ABCB1: variants seen among roughly 807,000 people sequenced by gnomAD.
ABCB1 encodes ATP binding cassette subfamily B member 1.
Under a neutral mutation model 142.0 loss-of-function variants are expected in ABCB1, and 69 were observed. The observed-to-expected ratio is 0.49, with a 90% CI of 0.40 to 0.59. The LOEUF (loss-of-function observed/expected upper bound fraction) is 0.59, where lower values mean the gene tolerates loss of function less well. Ranked by LOEUF, ABCB1 falls within the 20% of genes least tolerant of loss-of-function variation. ABCB1 has a pLI of 0.00. For synonymous variants in ABCB1, 532 were observed against 539.2 expected, an observed-to-expected ratio of 0.99 and a Z score of 0.18; for missense variants, 1,326 against 1,554.7, an observed-to-expected ratio of 0.85 and a Z score of 2.47.
intron 1 of ABCB1, chr7:87,694,058 C>G: frequency 1.9e-6 from 3 of 1,551,908 alleles, no homozygotes. Flanking sequence ...TTTTTTAGTA[C>G]ATTGCATGGG....
intron 1 of ABCB1, among the ~76,000 whole-genome samples, chr7:87,611,781 A>G (rs1819861491): frequency 6.6e-6 from 1 of 152,182 alleles, no homozygotes; most frequent in African/African-American, 2.4e-5. Flanking sequence ...CAGGGTATGA[A>G]GTTTCTCAAA....
At chr7:87,602,043 G>C (rs973090337), upstream of ABCB1, among the ~76,000 whole-genome samples, 1 of 152,014 alleles carries the variant, frequency 6.6e-6, no homozygotes, top group East Asian at 1.9e-4. Context: ...GCCCAGGCTG[G>C]AGTGCAGTGG....
chr7:87,674,955 T>A (rs1189383171), intron 1 of ABCB1, among the ~76,000 whole-genome samples: 4 of 152,188 alleles, frequency 2.6e-5, no homozygotes, highest in South Asian at 4.1e-4. Flanking sequence ...GCTCTTCCTG[T>A]GCCAAGCCCT....
At chr7:87,631,015 A>G (rs1437095314) in intron 1 of ABCB1, among the ~76,000 whole-genome samples, 1 of 152,220 alleles carries the variant, frequency 6.6e-6, no homozygotes, top group African/African-American at 2.4e-5. Flanking sequence ...TGTGAAATGA[A>G]TATGTGCTAA....
chr7:87,671,236 T>G (rs888684997), intron 1 of ABCB1, among the ~76,000 whole-genome samples: 1 of 151,972 alleles, frequency 6.6e-6, no homozygotes, highest in African/African-American at 2.4e-5. Context: ...TTACAACTGG[T>G]TGGAGGTGTG....
intron 1 of ABCB1, among the ~76,000 whole-genome samples, chr7:87,652,170 C>G (rs916789309): frequency 3.9e-5 from 6 of 152,018 alleles, no homozygotes; most frequent in Non-Finnish European, 8.8e-5. Flanking sequence ...TCTGATGTAC[C>G]TTGATGTTCA....
chr7:87,546,119 A>G, intron 14 of ABCB1, 95 bp from the exon 15 acceptor site: 2 of 1,259,652 alleles, frequency 1.6e-6, no homozygotes, highest in Non-Finnish European at 2.3e-6. Context: ...TGCTGTGGGC[A>G]TTGTAAAACC....
At chr7:87,621,147 G>A (rs1410630426) in intron 1 of ABCB1, among the ~76,000 whole-genome samples, 1 of 152,116 alleles carries the variant, frequency 6.6e-6, no homozygotes, top group Non-Finnish European at 1.5e-5. Flanking sequence ...TGAGAGAGAT[G>A]TGTCAAAATG....
Position 87,521,920 on chromosome 7 carries a change from G to A in ABCB1, c.2686-1044C>T, listed in dbSNP as rs552671982. 1.0e-5 allele frequency: 8 copies of A among 777,722 alleles called. 1 individual carries two copies. The highest frequency in any genetic ancestry group is 1.0e-4 in the African/African-American group (6 of 59,390). 48.2% of individuals were successfully genotyped at this position (777,722 alleles called of 1,614,324 possible). ...AAGGGGCTTTGCTTTAGTAACTTTT[G>A]ACGACCATGACTCCATGGGTAAGAC... is the stretch of plus-strand genomic sequence containing the variant. On this transcript the variant is annotated intron_variant, in intron 21 of 27. Transcript: ENST00000622132.
chr7:87,690,461 T>C (rs1827905222), intron 1 of ABCB1, among the ~76,000 whole-genome samples: 1 of 152,168 alleles, frequency 6.6e-6, no homozygotes, highest in South Asian at 2.1e-4. Flanking sequence ...AAATACTTTG[T>C]TTCTAAGATG....
chr7:87,666,036 T>C (rs1314515812), intron 1 of ABCB1, among the ~76,000 whole-genome samples: 1 of 152,180 alleles, frequency 6.6e-6, no homozygotes, highest in Admixed American at 6.5e-5. Context: ...GTAGTTCTTT[T>C]AGCTCTTTGA....
chr7:87,570,278 A>C, intron 4 of ABCB1, 55 bp from the exon 5 acceptor site: 1 of 1,487,250 alleles, frequency 6.7e-7, no homozygotes, highest in Non-Finnish European at 9.4e-7. Context: ...TCCATTAAAA[A>C]TAAACATGTA....
At position 87,584,641 on chromosome 7, in the gene ABCB1, A is replaced by C. The variant is rs193139725; in HGVS notation, c.286+871T>G. On this transcript the variant is annotated intron_variant, in intron 4 of 27. Coordinates refer to ENST00000622132, the MANE Select transcript of ABCB1 (RefSeq NM_001348946.2). ...CCACTTTCCTTGAGAGCTGTGTTAC[A>C]TCTGTTTTCTCTGTCTCTATCAGCC... 3.4e-4 allele frequency among the ~76,000 whole-genome samples: 52 copies of C among 152,268 alleles called. No homozygotes were observed. In the East Asian group the frequency reaches 8.5e-3, roughly 25 times the overall value.
In ABCB1 at chr7:87,555,029, A is replaced by G. The variant is rs866349163; in HGVS notation, c.828-1097T>C. On this transcript the variant is annotated intron_variant, in intron 8 of 27. Transcript: ENST00000622132. ...AACTGATAATTCAAATATTTTTTAA[A>G]CCCTCAGAGGGTGGTCAATTTTTGA... is the stretch of plus-strand genomic sequence containing the variant. Among the ~76,000 whole-genome samples the G allele has an allele frequency of 2.3e-4, 35 of 152,326 alleles. 1 individual carries two copies. The highest frequency in any genetic ancestry group is 8.2e-4 in the African/African-American group (34 of 41,578).
At chr7:87,623,780 T>C (rs1820311476) in intron 1 of ABCB1, among the ~76,000 whole-genome samples, 1 of 152,132 alleles carries the variant, frequency 6.6e-6, no homozygotes, top group Non-Finnish European at 1.5e-5. Flanking sequence ...TACTAACCTT[T>C]CCCTCCCAGT....
At chr7:87,534,552 C>T (rs1023757488) in intron 20 of ABCB1, among the ~76,000 whole-genome samples, 1 of 152,118 alleles carries the variant, frequency 6.6e-6, no homozygotes, top group Non-Finnish European at 1.5e-5. Flanking sequence ...CACAAACTTA[C>T]CATGTCTCAT....
intron 3 of ABCB1, among the ~76,000 whole-genome samples, chr7:87,588,233 G>C (rs1272063972): frequency 2.0e-5 from 3 of 151,176 alleles, no homozygotes; most frequent in Admixed American, 6.6e-5. Flanking sequence ...TGTTACATAC[G>C]TAAACTTGTT....
chr7:87,626,077 C>CATATATAT lies in ABCB1; in HGVS notation c.-330-25007_-330-25000dup, dbSNP rs372003612. Reference sequence around the variant, plus strand: ...TCTCATTCTGTCGCCCAGGCTGAGACATATATATATATATATATATATTGT... The same window carrying CATATATAT: ...TCTCATTCTGTCGCCCAGGCTGAGACATATATATATATATATATATATATATATATTGT... On this transcript the variant is annotated intron_variant, in intron 1 of 28. Coordinates refer to the ABCB1 transcript ENST00000265724. Among the ~76,000 whole-genome samples, 21 of 84,302 alleles carry CATATATAT rather than the reference C, an allele frequency of 2.5e-4. 1 individual carries two copies. Among genetic ancestry groups the CATATATAT allele is most frequent in the African/African-American group, 1.2e-3 (21 of 16,944 alleles). The allele number at this position is 84,302 out of a possible 152,430, so 55.3% of individuals were successfully genotyped here.
intron 1 of ABCB1, among the ~76,000 whole-genome samples, chr7:87,615,152 A>G (rs1051720322): frequency 2.0e-5 from 3 of 152,026 alleles, no homozygotes; most frequent in Non-Finnish European, 4.4e-5. Flanking sequence ...TTTTATTCTT[A>G]TTGCATTGTT....
Sources: allele counts gnomAD v4.1 joint callset (sites outside exome capture counted in the v4.1 genomes callset), GRCh38; gene constraint gnomAD v4.1.1; transcripts MANE v1.5; gene names NCBI Gene and HGNC (gene_info 2026-07-23, HGNC 2026-07-21).